Variants in MAP4 observed in about 807,000 individuals in gnomAD.
The protein encoded by MAP4 is microtubule associated protein 4.
In MAP4, 76 loss-of-function variants were observed where a neutral mutation model predicts 170.2. That is an observed-to-expected ratio of 0.45 (90% CI 0.37 to 0.54). The LOEUF (loss-of-function observed/expected upper bound fraction) is 0.54. Ranked by LOEUF, MAP4 falls within the 20% of genes least tolerant of loss-of-function variation. MAP4 has a pLI of 0.00. For synonymous variants in MAP4, 909 were observed against 994.5 expected (o/e 0.91, Z 1.62); for missense variants, 2,506 against 2,748.0 (o/e 0.91, Z 1.97).
At chr3:48,046,871 G>T (rs563913936) in intron 1 of MAP4, among the ~76,000 whole-genome samples, 3 of 151,868 alleles carry the variant, frequency 2.0e-5, no homozygotes, top group South Asian at 4.2e-4. Flanking sequence ...GAGGCGGGTG[G>T]ATCACGAGGT....
intron 10 of MAP4, among the ~76,000 whole-genome samples, chr3:47,881,446 CTATATATATATATATATA>C (rs56923064): frequency 0.046 from 2,289 of 49,450 alleles, 182 homozygotes; most frequent in African/African-American, 0.097. Flanking sequence ...GAAAAAACAA[CTATATATATATATATATA>C]TATATATATA....
intron 1 of MAP4, among the ~76,000 whole-genome samples, chr3:48,061,762 C>A (rs2100135554): frequency 6.7e-6 from 1 of 149,504 alleles, no homozygotes; most frequent in African/African-American, 2.5e-5. Flanking sequence ...GCAGCCCCCG[C>A]CCGGCCAGCC....
intron 1 of MAP4, among the ~76,000 whole-genome samples, chr3:48,051,967 G>A (rs574335332): frequency 3.9e-4 from 59 of 152,292 alleles, no homozygotes; most frequent in African/African-American, 1.3e-3. Flanking sequence ...CTTCACTACT[G>A]AAATTTTGGA....
At chr3:47,864,823 C>T (rs1358064166) in intron 17 of MAP4, among the ~76,000 whole-genome samples, 6 of 152,152 alleles carry the variant, frequency 3.9e-5, no homozygotes, top group East Asian at 1.9e-4. Context: ...GCCGAGATTA[C>T]GCCACTGCAC....
At chr3:47,866,126 C>G (rs182135098) in intron 17 of MAP4, among the ~76,000 whole-genome samples, 1 of 152,202 alleles carries the variant, frequency 6.6e-6, no homozygotes, top group East Asian at 1.9e-4. Flanking sequence ...ATCACAAGGT[C>G]AGGAGTTCAA....
chr3:47,910,655 T>C lies in MAP4; in HGVS notation c.3766A>G (p.Lys1256Glu). The change falls in exon 9 of 21, where the codon AAA becomes GAA. Residue 1256 changes from lysine to glutamate, a missense_variant. Around this residue, in one of 3 missense-constraint regions of MAP4, gnomAD observed 2,008 missense variants for 2,206.0 expected, o/e 0.91. Transcript: ENST00000683076. ...KDGDTGSIPH[K>E]SKEIGFTFPK... ...AAAGTAAATCCTATTTCCTTGCTTT[T>C]ATGGGGAATACTACCAGTATCTCCA... The C allele has an allele frequency of 6.5e-7, 1 of 1,536,146 alleles. No individual in the cohort carries two copies. Among genetic ancestry groups the C allele is most frequent in the Non-Finnish European group, 8.7e-7 (1 of 1,146,908 alleles).
At chr3:48,033,492 C>T (rs1055175222) in intron 1 of MAP4, among the ~76,000 whole-genome samples, 2 of 152,060 alleles carry the variant, frequency 1.3e-5, no homozygotes, top group African/African-American at 4.8e-5. Context: ...TTCCAGCTGT[C>T]CTTAATTTTT....
At chr3:47,958,044 C>T (rs925532463) in intron 3 of MAP4, among the ~76,000 whole-genome samples, 2 of 152,184 alleles carry the variant, frequency 1.3e-5, no homozygotes, top group African/African-American at 4.8e-5. Context: ...GAAGATGAGA[C>T]TGCCACTTGG....
At chr3:48,056,788 A>G (rs1579641790) in intron 1 of MAP4, among the ~76,000 whole-genome samples, 1 of 48,812 alleles carries the variant, frequency 2.0e-5, no homozygotes. Context: ...TCCGGGAGGG[A>G]GGTGGGGGGG....
At chr3:47,927,728 G>T (rs2100046882) in intron 4 of MAP4, among the ~76,000 whole-genome samples, 1 of 152,128 alleles carries the variant, frequency 6.6e-6, no homozygotes, top group African/African-American at 2.4e-5. Flanking sequence ...GCCCACTTTG[G>T]CCTCCCAAAG....
chr3:48,050,255 T>C (rs2100126958), intron 1 of MAP4, among the ~76,000 whole-genome samples: 1 of 88,618 alleles, frequency 1.1e-5, no homozygotes, highest in African/African-American at 3.3e-5. Flanking sequence ...CGAGACTCCA[T>C]CTCAAAAAAA....
intron 3 of MAP4, among the ~76,000 whole-genome samples, chr3:47,967,751 A>G (rs1261996760): frequency 6.6e-6 from 1 of 152,196 alleles, no homozygotes; most frequent in Non-Finnish European, 1.5e-5. Flanking sequence ...CACTTGAAGC[A>G]AAGAGTTCAA....
At chr3:48,061,330 T>C (rs1022631198) in intron 1 of MAP4, among the ~76,000 whole-genome samples, 7 of 150,870 alleles carry the variant, frequency 4.6e-5, no homozygotes, top group African/African-American at 4.9e-5. Flanking sequence ...GTGCCTGCGA[T>C]TGCAGGCACG....
In MAP4 at chr3:47,921,855, C is replaced by A; in HGVS notation, c.439G>T (p.Asp147Tyr). The change falls in exon 5 of 21, where the codon GAT becomes TAT. Residue 147 changes from aspartate to tyrosine, a missense_variant. Transcript: ENST00000683076. Reference protein sequence around the residue: ...QTDPFKMYHDDDLADLVFPSS... With the variant: ...QTDPFKMYHDYDLADLVFPSS... ...GGAAAGACCAAATCTGCCAGGTCAT[C>A]ATCATGGTACATCTTAAAGGGATCT... The A allele has an allele frequency of 6.4e-7, 1 of 1,565,060 alleles. No individual in the cohort carries two copies. Among genetic ancestry groups the A allele is most frequent in the Non-Finnish European group, 8.8e-7 (1 of 1,135,302 alleles).
intron 3 of MAP4, among the ~76,000 whole-genome samples, chr3:47,946,995 TG>T (rs1350785880): frequency 1.6e-4 from 24 of 152,242 alleles, no homozygotes; most frequent in African/African-American, 4.8e-4. Flanking sequence ...CAATTTTCAA[TG>T]GCTTCAAACC....
intron 1 of MAP4, among the ~76,000 whole-genome samples, chr3:48,077,106 C>T (rs1475031004): frequency 1.3e-5 from 2 of 151,766 alleles, no homozygotes; most frequent in Admixed American, 6.6e-5. Flanking sequence ...ATGATCGCAT[C>T]ACTGCACTCT....
At chr3:47,992,585 G>A (rs773886831) in intron 2 of MAP4, among the ~76,000 whole-genome samples, 54 of 151,746 alleles carry the variant, frequency 3.6e-4, no homozygotes, top group South Asian at 2.1e-4. Context: ...ACACTACCAC[G>A]CCCAGCTATA....
intron 3 of MAP4, 128 bp downstream of exon 3, chr3:47,977,737 A>G: frequency 3.1e-6 from 2 of 636,136 alleles, no homozygotes; most frequent in Non-Finnish European, 2.8e-6. Context: ...AATACCTCCA[A>G]CAAGAACACT....
rs575972085 is a variant in MAP4 at position 47,851,052 on chromosome 3, G to C, written c.*1882C>G. 3 of 152,300 alleles carry C rather than the reference G, an allele frequency of 2.0e-5. No homozygotes were observed. The highest frequency in any genetic ancestry group is 6.5e-5 in the Admixed American group (1 of 15,286). 9.4% of individuals were successfully genotyped at this position (152,300 alleles called of 1,614,324 possible). A position where few individuals can be genotyped will look rare whatever the true frequency, so the allele number is the denominator to read the frequency against. The stretch of plus-strand genomic sequence containing the variant: ...CGCAGTGGAGGCAGCAGGTACTCTG[G>C]GCCTGTGCTGTTGCCCCTGAGGTGT... On this transcript the variant is annotated 3_prime_UTR_variant, in exon 21 of 21. Transcript: ENST00000683076.
Sources: allele counts gnomAD v4.1 joint callset (sites outside exome capture counted in the v4.1 genomes callset), GRCh38; gene constraint gnomAD v4.1.1; regional missense constraint gnomAD v4.1.1; transcripts MANE v1.5; gene names NCBI Gene and HGNC (gene_info 2026-07-23, HGNC 2026-07-21).